Variants in DMXL1 observed in about 807,000 individuals in gnomAD.
The protein encoded by DMXL1 is Dmx like 1.
DMXL1 carries 99 observed loss-of-function variants against 319.2 expected under a neutral mutation model. The observed-to-expected ratio is 0.31, with a 90% confidence interval of 0.26 to 0.37. The LOEUF (loss-of-function observed/expected upper bound fraction) is 0.37, where lower values mean the gene tolerates loss of function less well. Among genes scored for constraint, DMXL1 ranks in the 10% least tolerant of loss-of-function variants. The pLI is 1.00. For missense variants in DMXL1, 3,745 were observed against 3,595.6 expected, an observed-to-expected ratio of 1.04 and a Z score of -1.06; for synonymous variants, 1,385 against 1,235.2, an observed-to-expected ratio of 1.12 and a Z score of -2.54.
rs1257362998 is a variant in DMXL1, at chr5:119,109,820, T to C, written c.365-331T>C. ...CTATCATGTATGTAACACTTCCACA[T>C]GGTATCATATTTCCATGTCTTTCTG... On this transcript the variant is annotated intron_variant, in intron 4 of 43. Transcript: ENST00000539542. 2.6e-5 allele frequency among the ~76,000 whole-genome samples: 4 copies of C among 152,248 alleles called. No homozygotes were observed. The East Asian group carries it at 7.7e-4, about 29-fold the overall frequency.
chr5:119,124,185 G>C (rs990478196), intron 9 of DMXL1, among the ~76,000 whole-genome samples: 2 of 151,744 alleles, frequency 1.3e-5, no homozygotes, highest in African/African-American at 4.8e-5. Context: ...TGTGGTGGCA[G>C]GCACCTGTAG....
chr5:119,159,736 G>T (rs539012913), intron 19 of DMXL1, among the ~76,000 whole-genome samples: 1 of 152,290 alleles, frequency 6.6e-6, no homozygotes, highest in Admixed American at 6.5e-5. Context: ...CGATTCTCCT[G>T]CCTCAATCTC....
intron 28 of DMXL1, among the ~76,000 whole-genome samples, chr5:119,183,542 G>A (rs778447301): frequency 2.6e-4 from 39 of 151,100 alleles, no homozygotes; most frequent in Non-Finnish European, 5.0e-4. Flanking sequence ...GCGTGATCTC[G>A]GCTCACTGCA....
rs139310332 is a variant in DMXL1, at chr5:119,128,162, C to G, written c.1103-1049C>G. Reference sequence around the variant, plus strand: ...TGAACACCACCTTCTTTGATTAAAACTTTGCATAGTTCCACCTGCACGGTC... The same window carrying G: ...TGAACACCACCTTCTTTGATTAAAAGTTTGCATAGTTCCACCTGCACGGTC... On this transcript the variant is annotated intron_variant, in intron 9 of 43. Coordinates refer to ENST00000539542, the MANE Select transcript of DMXL1 (RefSeq NM_001290321.3). The G allele has an allele frequency of 7.3e-5, 36 of 493,930 alleles. No individual in the cohort carries two copies. In the East Asian group the frequency reaches 1.9e-3, roughly 27 times the overall value. The allele number at this position is 493,930 out of a possible 1,614,324, so 30.6% of individuals were successfully genotyped here. A position where few individuals can be genotyped will look rare whatever the true frequency, so the allele number is the denominator to read the frequency against.
intron 40 of DMXL1, chr5:119,238,769 A>C (rs1256220820): frequency 6.5e-6 from 3 of 460,346 alleles, no homozygotes; most frequent in Non-Finnish European, 8.6e-6. Flanking sequence ...TAGAGGCAAA[A>C]CAAATGTGCC....
Position 119,133,984 on chromosome 5 carries a change from A to T in DMXL1, c.2060A>T (p.Asn687Ile). The change falls in exon 12 of 44, where the codon AAT (asparagine) becomes ATT (isoleucine). Residue 687 changes from asparagine (N) to isoleucine (I), a missense_variant. Physicochemically the swap from Asn to Ile is moderately radical, Grantham distance 149. Transcript: ENST00000539542. ...GAAGAATGCTCTTTGACACAACAAA[A>T]TAAAAGCACTGTTGACGTGGCATTT... ...NIEECSLTQQNKSTVDVAFQD... is the reference protein window; with the variant it reads ...NIEECSLTQQIKSTVDVAFQD... The T allele has an allele frequency of 6.2e-7, 1 of 1,614,256 alleles. No homozygotes were observed. Among genetic ancestry groups the T allele is most frequent in the Non-Finnish European group, 8.5e-7 (1 of 1,180,044 alleles).
intron 28 of DMXL1, among the ~76,000 whole-genome samples, 191 bp from the exon 29 acceptor site, chr5:119,189,517 C>T (rs912830773): frequency 6.6e-6 from 1 of 152,140 alleles, no homozygotes; most frequent in Admixed American, 6.6e-5. Context: ...GAGGAAAAAG[C>T]AGAGGTTGCT....
intron 34 of DMXL1, among the ~76,000 whole-genome samples, chr5:119,210,452 G>T (rs1342307785): frequency 6.6e-6 from 1 of 152,122 alleles, no homozygotes; most frequent in Non-Finnish European, 1.5e-5. Context: ...TGTTTACATG[G>T]TGTGAAGTAT....
intron 28 of DMXL1, among the ~76,000 whole-genome samples, chr5:119,180,269 A>G (rs912556960): frequency 6.6e-6 from 1 of 152,208 alleles, no homozygotes; most frequent in African/African-American, 2.4e-5. Context: ...GGAATAGTAT[A>G]AGTGGCATCA....
At chr5:119,171,319 T>C in intron 24 of DMXL1, 39 bp downstream of exon 24, 1 of 1,527,938 alleles carries the variant, frequency 6.5e-7, no homozygotes, top group African/African-American at 1.4e-5. Flanking sequence ...GGTACATGTC[T>C]AAAACTGTTT....
chr5:119,201,285 G>C (rs2150439908), intron 32 of DMXL1, among the ~76,000 whole-genome samples: 1 of 152,186 alleles, frequency 6.6e-6, no homozygotes, highest in East Asian at 1.9e-4. Flanking sequence ...GATTGATGTT[G>C]AATTTTATCA....
chr5:119,242,465 AG>A (rs1481491508), intron 42 of DMXL1, among the ~76,000 whole-genome samples: 1 of 152,222 alleles, frequency 6.6e-6, no homozygotes, highest in South Asian at 2.1e-4. Flanking sequence ...TTTAAATCAA[AG>A]AAGATCTAAA....
Position 119,170,295 on chromosome 5 carries a change from C to T in DMXL1, c.5504C>T (p.Ser1835Phe), listed in dbSNP as rs1175018444. 11 of 1,613,894 alleles carry T rather than the reference C, an allele frequency of 6.8e-6. No homozygotes were observed. The highest frequency in any genetic ancestry group is 8.5e-6 in the Non-Finnish European group (10 of 1,179,964). The change falls in exon 24 of 44, where the codon TCC becomes TTC. Residue 1835 changes from serine to phenylalanine, a missense_variant. Physicochemically the swap from Ser to Phe is radical, Grantham distance 155 (BLOSUM62 -2). Transcript: ENST00000539542. Reference sequence around the variant, plus strand: ...CATTTTGGATCATCTGATACATTTTCCACACATATGAGCCTAACAGGAAAA... The same window carrying T: ...CATTTTGGATCATCTGATACATTTTTCACACATATGAGCCTAACAGGAAAA... Reference protein sequence around the residue: ...RRHFGSSDTFSTHMSLTGKSG... With the variant: ...RRHFGSSDTFFTHMSLTGKSG...
Position 119,149,722 on chromosome 5 carries a change from G to C in DMXL1, c.3895G>C (p.Ala1299Pro), listed in dbSNP as rs183376536. The C allele has an allele frequency of 1.9e-6, 3 of 1,613,972 alleles. No individual in the cohort carries two copies. The highest frequency in any genetic ancestry group is 2.5e-6 in the Non-Finnish European group (3 of 1,179,942). The change falls in exon 18 of 44, where the codon GCA (alanine) becomes CCA (proline). Residue 1299 changes from alanine to proline, a missense_variant. By Grantham distance (27) the Ala-to-Pro change is conservative (BLOSUM62 -1). Coordinates refer to ENST00000539542, the MANE Select transcript of DMXL1 (RefSeq NM_001290321.3). ...LAQKICGKKT[A>P]FDPSVDMEDS... is the part of the protein sequence containing the mutation. ...ACAGAAAATCTGTGGAAAGAAAACT[G>C]CATTCGATCCTTCAGTGGATATGGA...
At chr5:119,180,872 C>T (rs1776657244) in intron 28 of DMXL1, among the ~76,000 whole-genome samples, 1 of 152,078 alleles carries the variant, frequency 6.6e-6, no homozygotes, top group South Asian at 2.1e-4. Context: ...TTTGTTAAGA[C>T]TTTGATCTTG....
chr5:119,128,031 C>G, intron 9 of DMXL1: 2 of 425,606 alleles, frequency 4.7e-6, no homozygotes, highest in East Asian at 1.2e-4. Flanking sequence ...TCATGATTCT[C>G]CATTTAGGTG....
At chr5:119,181,180 T>A (rs887054008) in intron 28 of DMXL1, among the ~76,000 whole-genome samples, 2 of 152,102 alleles carry the variant, frequency 1.3e-5, no homozygotes, top group Non-Finnish European at 2.9e-5. Context: ...CCATTATAAG[T>A]CCGTCATAAG....
intron 9 of DMXL1, chr5:119,127,325 G>T: frequency 5.0e-6 from 1 of 198,802 alleles, no homozygotes; most frequent in Non-Finnish European, 1.1e-5. Flanking sequence ...GGCTACCACA[G>T]CAAGTGGTAA....
At chr5:119,193,252 T>G (rs181216715) in intron 29 of DMXL1, among the ~76,000 whole-genome samples, 1 of 152,260 alleles carries the variant, frequency 6.6e-6, no homozygotes, top group East Asian at 1.9e-4. Flanking sequence ...TGCTATTCTC[T>G]CCAACCTTTC....
Sources: allele counts gnomAD v4.1 joint callset (sites outside exome capture counted in the v4.1 genomes callset), GRCh38; gene constraint gnomAD v4.1.1; transcripts MANE v1.5; gene names NCBI Gene and HGNC (gene_info 2026-07-23, HGNC 2026-07-21).